The following DNAJC1 variants were observed in gnomAD, a reference collection of about 807,000 sequenced individuals.
DNAJC1 encodes the protein DnaJ heat shock protein family (Hsp40) member C1, also known as dnaJ homolog subfamily C member 1.
Under a neutral mutation model 76.6 loss-of-function variants are expected in DNAJC1, and 58 were observed. That is an observed-to-expected ratio of 0.76 (90% CI 0.61 to 0.94). The LOEUF is 0.94. Ranked by LOEUF, DNAJC1 falls within the 40% of genes least tolerant of loss-of-function variation. The pLI, the probability that DNAJC1 is intolerant of heterozygous loss-of-function variation, is 0.00. For missense variants in DNAJC1, 689 were observed against 677.3 expected, an observed-to-expected ratio of 1.02 and a Z score of -0.19; for synonymous variants, 258 against 267.9, an observed-to-expected ratio of 0.96 and a Z score of 0.36.
chr10:21,981,089 C>G lies in DNAJC1; in HGVS notation c.222+22124G>C, dbSNP rs1332876369. On this transcript the variant is annotated intron_variant, in intron 1 of 11. Coordinates refer to ENST00000376980, the MANE Select transcript of DNAJC1 (RefSeq NM_022365.4). Reference sequence around the variant, plus strand: ...GCAAATTAGAGTTGAATTTTAAAAGCAGATGCATAATGCTGTTGGCCTAAT... The same window carrying G: ...GCAAATTAGAGTTGAATTTTAAAAGGAGATGCATAATGCTGTTGGCCTAAT... 5.3e-5 allele frequency among the ~76,000 whole-genome samples: 8 copies of G among 152,120 alleles called. No individual in the cohort carries two copies. In the East Asian group the frequency reaches 1.5e-3, roughly 29 times the overall value.
chr10:21,965,925 C>T (rs1360923354), intron 1 of DNAJC1, among the ~76,000 whole-genome samples: 1 of 152,156 alleles, frequency 6.6e-6, no homozygotes, highest in African/African-American at 2.4e-5. Context: ...GGATCAGGTA[C>T]CCCTTTCCTG....
At chr10:21,781,411 A>G (rs529988457) in intron 9 of DNAJC1, among the ~76,000 whole-genome samples, 1 of 152,192 alleles carries the variant, frequency 6.6e-6, no homozygotes, top group Non-Finnish European at 1.5e-5. Context: ...AGTGCAATCA[A>G]ACTAGAACTC....
At chr10:21,987,821 A>C (rs1838270705) in intron 1 of DNAJC1, among the ~76,000 whole-genome samples, 1 of 152,190 alleles carries the variant, frequency 6.6e-6, no homozygotes, top group African/African-American at 2.4e-5. Flanking sequence ...CTCTAAGTGA[A>C]ATATTTGCCC....
intron 6 of DNAJC1, among the ~76,000 whole-genome samples, chr10:21,916,853 AAG>A (rs906501144): frequency 2.0e-5 from 3 of 152,154 alleles, no homozygotes; most frequent in African/African-American, 7.2e-5. Context: ...ATATATTTGA[AAG>A]AGTCTACTGC....
At chr10:21,986,366 A>C (rs987873137) in intron 1 of DNAJC1, among the ~76,000 whole-genome samples, 1 of 152,210 alleles carries the variant, frequency 6.6e-6, no homozygotes. Context: ...ATAATATGTT[A>C]TCTCCTTATG....
At chr10:21,779,277 G>A (rs913568216) in intron 9 of DNAJC1, among the ~76,000 whole-genome samples, 2 of 152,198 alleles carry the variant, frequency 1.3e-5, no homozygotes, top group African/African-American at 4.8e-5. Flanking sequence ...TTTGAGATAT[G>A]AAAACAGACA....
chr10:21,816,725 T>G (rs1352705884), intron 8 of DNAJC1, among the ~76,000 whole-genome samples: 3 of 149,776 alleles, frequency 2.0e-5, no homozygotes, highest in Non-Finnish European at 4.5e-5. Flanking sequence ...TTTTGTATTT[T>G]TAGTAGAGAC....
chr10:21,957,389 G>A (rs1231597959), intron 1 of DNAJC1, among the ~76,000 whole-genome samples: 3 of 152,034 alleles, frequency 2.0e-5, no homozygotes, highest in Admixed American at 6.6e-5. Context: ...TTTTACTGCT[G>A]TAAATAAATT....
At chr10:21,893,895 T>C (rs1466540240) in intron 7 of DNAJC1, among the ~76,000 whole-genome samples, 3 of 151,944 alleles carry the variant, frequency 2.0e-5, no homozygotes, top group Non-Finnish European at 4.4e-5. Context: ...ACTGATCCTT[T>C]GAAAAGATCA....
intron 8 of DNAJC1, among the ~76,000 whole-genome samples, chr10:21,862,273 C>T (rs999869418): frequency 2.6e-5 from 4 of 151,874 alleles, no homozygotes; most frequent in Non-Finnish European, 4.4e-5. Flanking sequence ...ACCCTGAATT[C>T]TTTGTTGTGT....
At chr10:21,932,455 G>A (rs550425453) in intron 1 of DNAJC1, among the ~76,000 whole-genome samples, 1 of 152,336 alleles carries the variant, frequency 6.6e-6, no homozygotes, top group African/African-American at 2.4e-5. Flanking sequence ...CGTCCCTCCA[G>A]AGAAACAGTG....
At chr10:21,789,042 C>CT (rs1293538497) in intron 9 of DNAJC1, among the ~76,000 whole-genome samples, 1 of 138,214 alleles carries the variant, frequency 7.2e-6, no homozygotes, top group Non-Finnish European at 1.5e-5. Flanking sequence ...CACAGCTGCT[C>CT]TGAGCACCCG....
At chr10:21,913,856 A>G (rs1276652458) in intron 6 of DNAJC1, among the ~76,000 whole-genome samples, 1 of 152,164 alleles carries the variant, frequency 6.6e-6, no homozygotes, top group Non-Finnish European at 1.5e-5. Context: ...GATATAGTCC[A>G]AGTTCCTTGT....
At chr10:21,922,941 T>C (rs950344993) in intron 3 of DNAJC1, among the ~76,000 whole-genome samples, 1 of 152,012 alleles carries the variant, frequency 6.6e-6, no homozygotes, top group African/African-American at 2.4e-5. Flanking sequence ...AAATTTGCTT[T>C]GGGTATAACT....
chr10:22,003,414 C>T lies in DNAJC1; in HGVS notation c.21G>A (p.Gln7=), dbSNP rs1054194650. The change falls in exon 1 of 12, where the codon CAG becomes CAA. Residue 7 remains glutamine, a synonymous_variant. Coordinates refer to ENST00000376980, the MANE Select transcript of DNAJC1 (RefSeq NM_022365.4). MTAPCS[Q]PAQLPGRRQL... is the part of the protein sequence containing the mutation. The stretch of plus-strand genomic sequence containing the variant: ...GGCGGCGTCCAGGAAGCTGCGCCGG[C>T]TGGGAGCAAGGAGCCGTCATCGCGC... 2 of 1,369,524 alleles carry T rather than the reference C, an allele frequency of 1.5e-6. No homozygotes were observed. The highest frequency in any genetic ancestry group is 7.5e-5 in the Admixed American group (2 of 26,764). The allele number at this position is 1,369,524 out of a possible 1,614,324, so 84.8% of individuals were successfully genotyped here.
At chr10:21,970,719 C>A (rs181829152) in intron 1 of DNAJC1, among the ~76,000 whole-genome samples, 1 of 151,850 alleles carries the variant, frequency 6.6e-6, no homozygotes, top group Admixed American at 6.6e-5. Flanking sequence ...GCTACTCCCA[C>A]AAAAATATTC....
Position 21,900,883 on chromosome 10 carries a change from C to A in DNAJC1, c.820+3639G>T, listed in dbSNP as rs115717278. Among the ~76,000 whole-genome samples, 704 of 152,306 alleles carry A rather than the reference C, an allele frequency of 4.6e-3. 5 individuals carry two copies. Among genetic ancestry groups the A allele is most frequent in the African/African-American group, 0.016 (668 of 41,576 alleles). Reference sequence around the variant, plus strand: ...TAAACTGCGGCTGCTCTTTCTCAATCTATTTTTCCTTCTTCCCTACCAACC... The same window carrying A: ...TAAACTGCGGCTGCTCTTTCTCAATATATTTTTCCTTCTTCCCTACCAACC... On this transcript the variant is annotated intron_variant, in intron 7 of 11. Coordinates refer to ENST00000376980, the MANE Select transcript of DNAJC1 (RefSeq NM_022365.4).
At chr10:21,855,509 A>G (rs1590017197) in intron 8 of DNAJC1, among the ~76,000 whole-genome samples, 2 of 152,342 alleles carry the variant, frequency 1.3e-5, no homozygotes, top group Middle Eastern at 6.8e-3. Context: ...TGTATGTGAT[A>G]AAAAACAATT....
intron 1 of DNAJC1, among the ~76,000 whole-genome samples, chr10:21,965,573 A>T (rs1381801435): frequency 6.6e-6 from 1 of 152,206 alleles, no homozygotes; most frequent in Non-Finnish European, 1.5e-5. Context: ...AATGTTTACT[A>T]AACAAACTCA....
Sources: allele counts gnomAD v4.1 joint callset (sites outside exome capture counted in the v4.1 genomes callset), GRCh38; gene constraint gnomAD v4.1.1; transcripts MANE v1.5; gene names NCBI Gene and HGNC (gene_info 2026-07-23, HGNC 2026-07-21).